The following GALK2 variants were observed in gnomAD, a reference collection of about 807,000 sequenced individuals.
GALK2 encodes the protein galactokinase 2, also known as N-acetylgalactosamine kinase.
In GALK2, 36 loss-of-function variants were observed where a neutral mutation model predicts 52.4. That is an observed-to-expected ratio of 0.69 (90% confidence interval 0.53 to 0.91). GALK2 has a LOEUF of 0.91. Among genes scored for constraint, GALK2 ranks in the 40% least tolerant of loss-of-function variants. The probability of loss-of-function intolerance (pLI) is 0.00; values close to 1 mark genes in which losing one functional copy is unlikely to be tolerated. For missense variants in GALK2, 579 were observed against 559.1 expected (o/e 1.04, Z -0.36); for synonymous variants, 176 against 199.1 (o/e 0.88, Z 0.98).
intron 1 of GALK2, among the ~76,000 whole-genome samples, chr15:49,182,410 G>A (rs774943569): frequency 6.6e-6 from 1 of 152,162 alleles, no homozygotes; most frequent in Non-Finnish European, 1.5e-5. Flanking sequence ...GGACACTTAG[G>A]TTGCCTCCAA....
chr15:49,329,823 A>T lies in GALK2; in HGVS notation c.*1664A>T. 1 of 572,622 alleles carries T rather than the reference A, an allele frequency of 1.7e-6. No individual in the cohort carries two copies. Among genetic ancestry groups the T allele is most frequent in the Non-Finnish European group, 2.2e-6 (1 of 453,024 alleles). 35.5% of individuals were successfully genotyped at this position (572,622 alleles called of 1,614,324 possible). A position where few individuals can be genotyped will look rare whatever the true frequency, so the allele number is the denominator to read the frequency against. ...GATCAGTGTAAAAAAAAAAAAAAAA[A>T]GGCACCTGTCATTGTTTTGCTGTTC... On this transcript the variant is annotated 3_prime_UTR_variant, in exon 10 of 10. Coordinates refer to ENST00000560031, the MANE Select transcript of GALK2 (RefSeq NM_002044.4).
At chr15:49,359,108 A>T (rs2043718848) in intron 3 of GALK2, among the ~76,000 whole-genome samples, 1 of 151,934 alleles carries the variant, frequency 6.6e-6, no homozygotes, top group African/African-American at 2.4e-5. Context: ...TAAAGACTTA[A>T]ACGTTAGACC....
At chr15:49,338,268 C>T (rs960012370) in intron 3 of GALK2, among the ~76,000 whole-genome samples, 1 of 152,172 alleles carries the variant, frequency 6.6e-6, no homozygotes, top group Non-Finnish European at 1.5e-5. Context: ...TGCCTGGTAC[C>T]GGTTGTTCCT....
At chr15:49,241,292 A>G (rs2091080743) in intron 5 of GALK2, among the ~76,000 whole-genome samples, 1 of 152,174 alleles carries the variant, frequency 6.6e-6, no homozygotes, top group Admixed American at 6.5e-5. Flanking sequence ...GAGTGGATCA[A>G]GATACCTGGT....
chr15:49,321,807 C>T (rs1027530906), intron 9 of GALK2, among the ~76,000 whole-genome samples: 3 of 152,142 alleles, frequency 2.0e-5, no homozygotes, highest in Non-Finnish European at 2.9e-5. Flanking sequence ...CGTGTGTGTA[C>T]GTGTGTGTTT....
chr15:49,358,890 A>C (rs1296422267), intron 3 of GALK2, among the ~76,000 whole-genome samples: 3 of 148,926 alleles, frequency 2.0e-5, no homozygotes, highest in African/African-American at 7.4e-5. Context: ...CAAAACAGAG[A>C]TATAGATCAA....
intron 1 of GALK2, among the ~76,000 whole-genome samples, chr15:49,194,655 G>A (rs2087058483): frequency 6.6e-6 from 1 of 150,476 alleles, no homozygotes; most frequent in Non-Finnish European, 1.5e-5. Context: ...GAGTGCAATG[G>A]TGCAATCTTG....
intron 9 of GALK2, among the ~76,000 whole-genome samples, chr15:49,326,513 G>C (rs1344728585): frequency 1.3e-5 from 2 of 152,120 alleles, no homozygotes; most frequent in Non-Finnish European, 2.9e-5. Context: ...GCCTCCCAAA[G>C]TGCTGGGATT....
At chr15:49,312,030 C>G (rs1277077558) in intron 8 of GALK2, among the ~76,000 whole-genome samples, 1 of 152,166 alleles carries the variant, frequency 6.6e-6, no homozygotes, top group African/African-American at 2.4e-5. Flanking sequence ...TCCTGAATCA[C>G]TTTTCTTCCT....
chr15:49,230,692 C>G (rs995781983), intron 3 of GALK2, among the ~76,000 whole-genome samples: 2 of 152,278 alleles, frequency 1.3e-5, no homozygotes, highest in Admixed American at 6.5e-5. Flanking sequence ...AATGGTCTAC[C>G]TACCCCAGGT....
chr15:49,279,995 T>A (rs1478135914), intron 5 of GALK2, among the ~76,000 whole-genome samples: 1 of 152,220 alleles, frequency 6.6e-6, no homozygotes, highest in Non-Finnish European at 1.5e-5. Context: ...ACTTGCAGAA[T>A]CTGTCAGATG....
chr15:49,170,111 G>C (rs983397549), upstream of GALK2: 42 of 1,183,578 alleles, frequency 3.5e-5, no homozygotes, highest in Admixed American at 8.8e-5. Flanking sequence ...CCTGACTGCT[G>C]CTTGGAGGGA....
chr15:49,161,291 C>T (rs1360368089), intron 1 of GALK2, among the ~76,000 whole-genome samples: 1 of 152,208 alleles, frequency 6.6e-6, no homozygotes, highest in African/African-American at 2.4e-5. Flanking sequence ...AATTTACTAA[C>T]AGCAGTTGAA....
chr15:49,238,000 C>T (rs886109230), intron 4 of GALK2, among the ~76,000 whole-genome samples: 1 of 152,026 alleles, frequency 6.6e-6, no homozygotes, highest in East Asian at 1.9e-4. Flanking sequence ...TAAATTTCTT[C>T]TTATTGTGGT....
chr15:49,225,945 G>C (rs988540313), intron 3 of GALK2, among the ~76,000 whole-genome samples: 12 of 152,240 alleles, frequency 7.9e-5, no homozygotes. Flanking sequence ...GTTCCTGTTA[G>C]AGCAGCTGGG....
At chr15:49,218,744 A>G (rs2089574176) in intron 3 of GALK2, among the ~76,000 whole-genome samples, 1 of 152,250 alleles carries the variant, frequency 6.6e-6, no homozygotes, top group Admixed American at 6.5e-5. Flanking sequence ...TAATACTGCT[A>G]CAAATATTTA....
intron 3 of GALK2, among the ~76,000 whole-genome samples, chr15:49,341,300 G>A (rs2040698533): frequency 6.6e-6 from 1 of 152,106 alleles, no homozygotes; most frequent in Non-Finnish European, 1.5e-5. Context: ...AATTACATTG[G>A]TAATTGGATA....
intron 3 of GALK2, among the ~76,000 whole-genome samples, chr15:49,352,248 G>A (rs1250454357): frequency 1.3e-5 from 2 of 152,148 alleles, no homozygotes; most frequent in Non-Finnish European, 2.9e-5. Context: ...ACCTTGTCTC[G>A]AAGTCACAAA....
intron 1 of GALK2, among the ~76,000 whole-genome samples, chr15:49,192,562 T>A (rs547760860): frequency 6.9e-6 from 1 of 144,008 alleles, no homozygotes; most frequent in African/African-American, 2.6e-5. Context: ...TCTTAGATAG[T>A]GGATTGCTAG....
Sources: allele counts gnomAD v4.1 joint callset (sites outside exome capture counted in the v4.1 genomes callset), GRCh38; gene constraint gnomAD v4.1.1; transcripts MANE v1.5; gene names NCBI Gene and HGNC (gene_info 2026-07-23, HGNC 2026-07-21).